The following RYR2 variants were observed in gnomAD, a reference collection of about 807,000 sequenced individuals.
The protein encoded by RYR2 is ryanodine receptor 2.
RYR2 carries 227 observed loss-of-function variants against 601.1 expected under a neutral mutation model. The observed-to-expected ratio is 0.38, with a 90% CI of 0.34 to 0.42. The LOEUF (loss-of-function observed/expected upper bound fraction) is 0.42, where lower values mean the gene tolerates loss of function less well. RYR2 is among the 10% of genes least tolerant of loss of function. The probability of loss-of-function intolerance (pLI) is 1.00; values close to 1 mark genes in which losing one functional copy is unlikely to be tolerated. For missense variants in RYR2, 4,646 were observed against 6,156.5 expected, an observed-to-expected ratio of 0.75 and a Z score of 8.21; for synonymous variants, 2,223 against 2,175.1, an observed-to-expected ratio of 1.02 and a Z score of -0.61.
rs11394368 is a variant in RYR2, at chr1:237,236,338, AT to A, written c.49-34152del. ...CTTTTTATTTGCAGTGTTATCATTA[AT>A]TTTTTTCTTAGGAAGTACCAGGAAA... On this transcript the variant is annotated intron_variant, in intron 1 of 104. Coordinates refer to ENST00000366574, the MANE Select transcript of RYR2 (RefSeq NM_001035.3). Among the ~76,000 whole-genome samples, 5 of 151,974 alleles carry A rather than the reference AT, an allele frequency of 3.3e-5. No individual in the cohort carries two copies. In the East Asian group the frequency reaches 7.8e-4, roughly 24 times the overall value.
rs1160754756 is a variant in RYR2, at chr1:237,061,257, T to TATC, written c.48+18689_48+18691dup. On this transcript the variant is annotated intron_variant, in intron 1 of 104. Transcript: ENST00000366574. Reference sequence around the variant, plus strand: ...TCTATCTATCTATCTATCTATCATCTATCTATCTATCCATCTATCATCTAT... The same window carrying TATC: ...TCTATCTATCTATCTATCTATCATCTATCATCTATCTATCCATCTATCATCTAT... Among the ~76,000 whole-genome samples, 414 of 138,450 alleles carry TATC rather than the reference T, an allele frequency of 3.0e-3. 2 individuals are homozygous for TATC. The highest frequency in any genetic ancestry group is 7.4e-3 in the African/African-American group (272 of 36,610). 90.8% of individuals were successfully genotyped at this position (138,450 alleles called of 152,430 possible).
chr1:237,585,132 G>T (rs188613970), intron 29 of RYR2, among the ~76,000 whole-genome samples: 1 of 152,094 alleles, frequency 6.6e-6, no homozygotes, highest in Non-Finnish European at 1.5e-5. Context: ...GAGTTGAGTC[G>T]TTGCAACAGA....
chr1:237,443,103 T>C (rs55635305), intron 13 of RYR2, among the ~76,000 whole-genome samples: 9,834 of 152,226 alleles, frequency 0.065, 414 homozygotes, highest in South Asian at 0.18. Flanking sequence ...TTCTCTACAC[T>C]TCGCTTCTCA....
chr1:237,128,140 C>T (rs1162949270), intron 1 of RYR2, among the ~76,000 whole-genome samples: 1 of 152,186 alleles, frequency 6.6e-6, no homozygotes, highest in African/African-American at 2.4e-5. Flanking sequence ...CCCGGCACCT[C>T]GGGAGGCCGA....
chr1:237,589,443 G>A (rs1048037649), intron 29 of RYR2, among the ~76,000 whole-genome samples: 2 of 152,224 alleles, frequency 1.3e-5, no homozygotes, highest in East Asian at 1.9e-4. Context: ...CCCTATATGA[G>A]AGAGTACATG....
Position 237,551,859 on chromosome 1 carries a change from T to C in RYR2, c.3214+1168T>C, listed in dbSNP as rs375486892. ...CTCACAGTAACTCTTATGAGGATGA[T>C]GCTTGTATTACGCTCATTTTACAGA... On this transcript the variant is annotated intron_variant, in intron 27 of 104. Coordinates refer to ENST00000366574, the MANE Select transcript of RYR2 (RefSeq NM_001035.3). Among the ~76,000 whole-genome samples the C allele has an allele frequency of 3.9e-5, 6 of 152,300 alleles. No individual in the cohort carries two copies. In the South Asian group the frequency reaches 1.2e-3, roughly 32 times the overall value.
At chr1:237,137,523 G>A (rs1486214318) in intron 1 of RYR2, among the ~76,000 whole-genome samples, 1 of 152,194 alleles carries the variant, frequency 6.6e-6, no homozygotes, top group East Asian at 1.9e-4. Flanking sequence ...AAGAGTTTAT[G>A]ATCTTGCAAT....
At chr1:237,328,592 A>T (rs1354160024) in intron 2 of RYR2, among the ~76,000 whole-genome samples, 1 of 151,862 alleles carries the variant, frequency 6.6e-6, no homozygotes, top group Non-Finnish European at 1.5e-5. Flanking sequence ...CCAGAGAAGG[A>T]AATTTTATTT....
At chr1:237,811,477 T>G (rs1158501995) in intron 100 of RYR2, among the ~76,000 whole-genome samples, 1 of 152,220 alleles carries the variant, frequency 6.6e-6, no homozygotes, top group East Asian at 1.9e-4. Context: ...CAGACAAGAT[T>G]GTCATTCTTT....
At chr1:237,281,502 C>T (rs552870574) in intron 2 of RYR2, among the ~76,000 whole-genome samples, 6 of 152,322 alleles carry the variant, frequency 3.9e-5, no homozygotes, top group African/African-American at 1.2e-4. Flanking sequence ...CTGGAGTTCA[C>T]CTCTTGCACA....
At chr1:237,364,268 C>A in intron 4 of RYR2, 90 bp from the exon 5 acceptor site, 2 of 1,153,056 alleles carry the variant, frequency 1.7e-6, no homozygotes, top group South Asian at 1.5e-5. Context: ...TTTAGGATAA[C>A]GGAGTCTTTA....
At chr1:237,817,491 T>C (rs902613483) in intron 100 of RYR2, among the ~76,000 whole-genome samples, 7 of 152,156 alleles carry the variant, frequency 4.6e-5, no homozygotes, top group African/African-American at 1.7e-4. Context: ...AACCAAAGCA[T>C]TTCTTGTTGG....
At chr1:237,375,357 G>T (rs1700939570) in intron 7 of RYR2, among the ~76,000 whole-genome samples, 1 of 152,100 alleles carries the variant, frequency 6.6e-6, no homozygotes, top group Admixed American at 6.5e-5. Context: ...AATACTCTGA[G>T]GACTTTGCAT....
intron 10 of RYR2, among the ~76,000 whole-genome samples, chr1:237,405,207 A>G (rs1034919363): frequency 2.0e-5 from 3 of 152,186 alleles, no homozygotes; most frequent in Admixed American, 1.3e-4. Context: ...TAAAGGACTG[A>G]CCCTAAATTG....
chr1:237,345,162 A>G (rs1056697831), intron 3 of RYR2, among the ~76,000 whole-genome samples: 27 of 152,042 alleles, frequency 1.8e-4, no homozygotes, highest in African/African-American at 3.9e-4. Flanking sequence ...TTCTTCTCCA[A>G]TGTTGTGATT....
In RYR2 at chr1:237,538,381, C is replaced by G. The variant is rs1402257395; in HGVS notation, c.2906+7871C>G. ...CTGCACTCCAGCCTGGGTGACAGAG[C>G]AAGACTCTGTCTCAAAAAAAAAAAA... On this transcript the variant is annotated intron_variant, in intron 25 of 104. Coordinates refer to ENST00000366574, the MANE Select transcript of RYR2 (RefSeq NM_001035.3). Among the ~76,000 whole-genome samples, 5 of 84,260 alleles carry G rather than the reference C, an allele frequency of 5.9e-5. No individual in the cohort carries two copies. The East Asian group carries it at 1.9e-3, about 33-fold the overall frequency. The allele number at this position is 84,260 out of a possible 152,430, so 55.3% of individuals were successfully genotyped here.
intron 3 of RYR2, among the ~76,000 whole-genome samples, chr1:237,335,267 G>T (rs1021626510): frequency 1.2e-4 from 18 of 152,060 alleles, no homozygotes; most frequent in Admixed American, 3.3e-4. Flanking sequence ...TGTGCTTTTG[G>T]CTATTCCTTT....
intron 2 of RYR2, among the ~76,000 whole-genome samples, chr1:237,322,532 C>A (rs1695718973): frequency 6.6e-6 from 1 of 152,120 alleles, no homozygotes; most frequent in Non-Finnish European, 1.5e-5. Context: ...CTATATCAGG[C>A]AAGAAACCTA....
At position 237,604,085 on chromosome 1, in the gene RYR2, A is replaced by G. The variant is rs369001641; in HGVS notation, c.4683+1974A>G. On this transcript the variant is annotated intron_variant, in intron 35 of 104. Coordinates refer to ENST00000366574, the MANE Select transcript of RYR2 (RefSeq NM_001035.3). ...CACCAAGCGGACCTAATAGACATCT[A>G]CAGAACTCTCCACCCCAAATCAACA... Among the ~76,000 whole-genome samples the G allele has an allele frequency of 5.9e-5, 9 of 152,340 alleles. No homozygotes were observed. In the East Asian group the frequency reaches 1.7e-3, roughly 29 times the overall value.
Sources: allele counts gnomAD v4.1 joint callset (sites outside exome capture counted in the v4.1 genomes callset), GRCh38; gene constraint gnomAD v4.1.1; transcripts MANE v1.5; gene names NCBI Gene and HGNC (gene_info 2026-07-23, HGNC 2026-07-21).